Variants in PPARGC1A observed in about 807,000 individuals in gnomAD.
The protein encoded by PPARGC1A is peroxisome proliferator-activated receptor gamma coactivator 1-alpha.
In PPARGC1A, 25 loss-of-function variants were observed where a neutral mutation model predicts 88.7. That is an observed-to-expected ratio of 0.28 (90% CI 0.21 to 0.39). PPARGC1A has a LOEUF of 0.39. Among genes scored for constraint, PPARGC1A ranks in the 10% least tolerant of loss-of-function variants. PPARGC1A has a pLI of 1.00. For synonymous variants in PPARGC1A, 363 were observed against 355.6 expected (o/e 1.02, Z -0.24); for missense variants, 880 against 968.7 (o/e 0.91, Z 1.22).
intron 10 of PPARGC1A, among the ~76,000 whole-genome samples, chr4:23,810,696 A>G (rs1006678873): frequency 6.6e-6 from 1 of 152,216 alleles, no homozygotes; most frequent in African/African-American, 2.4e-5. Context: ...CAAATTTATG[A>G]TGAAACTATT....
At chr4:24,318,540 T>C in the PPARGC1A span, among the ~76,000 whole-genome samples, 3 of 152,356 alleles carry the variant, frequency 2.0e-5, no homozygotes, top group South Asian at 2.1e-4. Context: ...AAGAAAGCTA[T>C]AAGCATTCCT....
At chr4:23,910,840 A>C in the PPARGC1A span, among the ~76,000 whole-genome samples, 1 of 152,068 alleles carries the variant, frequency 6.6e-6, no homozygotes, top group Non-Finnish European at 1.5e-5. Flanking sequence ...GGAGAAACTG[A>C]GGCAGAGAAT....
chr4:24,411,486 G>A, the PPARGC1A span, among the ~76,000 whole-genome samples: 644 of 152,306 alleles, frequency 4.2e-3, 4 homozygotes, highest in African/African-American at 0.014. Flanking sequence ...CCAAAGTGGT[G>A]CATTTGTTAC....
At chr4:24,048,169 A>G in the PPARGC1A span, among the ~76,000 whole-genome samples, 5 of 152,290 alleles carry the variant, frequency 3.3e-5, no homozygotes, top group Admixed American at 6.5e-5. Context: ...ACAGTAAGTC[A>G]TGCCCTCTAA....
chr4:24,133,347 G>A, the PPARGC1A span, among the ~76,000 whole-genome samples: 282 of 152,294 alleles, frequency 1.9e-3, 2 homozygotes, highest in African/African-American at 6.6e-3. Context: ...ATCTTCAAAT[G>A]CAAGTCTAGT....
chr4:24,322,026 A>G, the PPARGC1A span, among the ~76,000 whole-genome samples: 1 of 152,230 alleles, frequency 6.6e-6, no homozygotes, highest in African/African-American at 2.4e-5. Context: ...CTGACCTAAT[A>G]GAAGCATCAA....
the PPARGC1A span, among the ~76,000 whole-genome samples, chr4:24,095,834 C>A: frequency 6.6e-6 from 1 of 152,192 alleles, no homozygotes; most frequent in African/African-American, 2.4e-5. Context: ...GGGCAAGTGA[C>A]TGAACTGTGT....
At chr4:24,179,461 G>C in the PPARGC1A span, among the ~76,000 whole-genome samples, 1 of 151,902 alleles carries the variant, frequency 6.6e-6, no homozygotes, top group Non-Finnish European at 1.5e-5. Flanking sequence ...CGGCTCAAAA[G>C]GTCTTGCACT....
chr4:24,305,251 A>AAT, the PPARGC1A span, among the ~76,000 whole-genome samples: 2 of 150,724 alleles, frequency 1.3e-5, no homozygotes, highest in African/African-American at 2.4e-5. Flanking sequence ...TCATATATAT[A>AAT]ATATATATAT....
At chr4:24,058,947 T>A in the PPARGC1A span, among the ~76,000 whole-genome samples, 1 of 152,168 alleles carries the variant, frequency 6.6e-6, no homozygotes, top group Non-Finnish European at 1.5e-5. Flanking sequence ...GCACATGCTA[T>A]GAACTGAATT....
chr4:24,392,075 T>C, the PPARGC1A span, among the ~76,000 whole-genome samples: 2 of 152,190 alleles, frequency 1.3e-5, no homozygotes, highest in African/African-American at 2.4e-5. Context: ...AGTTTTCCTA[T>C]AGAAAACCTG....
the PPARGC1A span, among the ~76,000 whole-genome samples, chr4:24,342,946 G>A: frequency 1.3e-5 from 2 of 152,144 alleles, no homozygotes; most frequent in East Asian, 3.9e-4. Flanking sequence ...ACAGAAAACT[G>A]GGCTAGAGAG....
chr4:24,347,627 A>G, the PPARGC1A span, among the ~76,000 whole-genome samples: 1 of 151,922 alleles, frequency 6.6e-6, no homozygotes, highest in African/African-American at 2.4e-5. Context: ...CCACCCCTTT[A>G]CTTTAAGTGT....
At chr4:24,137,029 G>A in the PPARGC1A span, among the ~76,000 whole-genome samples, 10 of 150,616 alleles carry the variant, frequency 6.6e-5, 1 homozygote, top group Middle Eastern at 6.9e-3. Context: ...CAGGAGAATC[G>A]CTTAAACCTG....
At chr4:24,003,885 A>G in the PPARGC1A span, among the ~76,000 whole-genome samples, 1 of 151,746 alleles carries the variant, frequency 6.6e-6, no homozygotes, top group Non-Finnish European at 1.5e-5. Context: ...TACGATTGAG[A>G]TAACACATAC....
chr4:23,999,414 C>T, the PPARGC1A span, among the ~76,000 whole-genome samples: 1 of 152,132 alleles, frequency 6.6e-6, no homozygotes, highest in Admixed American at 6.5e-5. Context: ...TTGCAGTGAG[C>T]CCACTAAAAT....
chr4:24,217,535 GC>G, the PPARGC1A span, among the ~76,000 whole-genome samples: 1 of 152,190 alleles, frequency 6.6e-6, no homozygotes, highest in South Asian at 2.1e-4. Flanking sequence ...AGGCATGGGG[GC>G]TTATGTCTGT....
At chr4:24,175,533 CCAAG>C in the PPARGC1A span, among the ~76,000 whole-genome samples, 1 of 142,720 alleles carries the variant, frequency 7.0e-6, no homozygotes, top group Non-Finnish European at 1.5e-5. Context: ...CACCACCACA[CCAAG>C]CTTTTTTTTT....
the PPARGC1A span, among the ~76,000 whole-genome samples, chr4:24,063,023 C>T: frequency 6.6e-6 from 1 of 152,132 alleles, no homozygotes; most frequent in Admixed American, 6.6e-5. Flanking sequence ...CCTCAAGACA[C>T]CTTTGATTTG....
Sources: gnomAD v4.1 joint callset for allele counts (sites outside exome capture counted in the v4.1 genomes callset) on GRCh38, gnomAD v4.1.1 for gene constraint, MANE v1.5 for transcripts, NCBI Gene and HGNC (gene_info 2026-07-23, HGNC 2026-07-21) for gene names.